The following TEAD1 variants were observed in gnomAD, a reference collection of about 807,000 sequenced individuals.
The protein encoded by TEAD1 is TEA domain transcription factor 1, also known as transcriptional enhancer factor TEF-1.
Under a neutral mutation model 54.9 loss-of-function variants are expected in TEAD1, and 9 were observed. That is an observed-to-expected ratio of 0.16 (90% confidence interval 0.10 to 0.29). TEAD1 has a LOEUF of 0.29. TEAD1 is among the 10% of genes least tolerant of loss of function. The pLI is 1.00. For missense variants in TEAD1, 387 were observed against 535.9 expected, an observed-to-expected ratio of 0.72 and a Z score of 2.74; for synonymous variants, 200 against 187.8, an observed-to-expected ratio of 1.07 and a Z score of -0.53.
chr11:12,934,516 A>G (rs1047708627), intron 12 of TEAD1, among the ~76,000 whole-genome samples: 3 of 152,078 alleles, frequency 2.0e-5, no homozygotes, highest in Admixed American at 1.3e-4. Flanking sequence ...CGTTGTGCAC[A>G]TGTACCCTAA....
chr11:12,768,014 G>A (rs11022496), intron 3 of TEAD1, among the ~76,000 whole-genome samples: 57,158 of 151,986 alleles, frequency 0.38, 10,972 homozygotes, highest in South Asian at 0.6. Flanking sequence ...AAACAAAATA[G>A]ATAGCAAACC....
chr11:12,844,728 GA>G, intron 3 of TEAD1, among the ~76,000 whole-genome samples: 1 of 152,140 alleles, frequency 6.6e-6, no homozygotes, highest in Middle Eastern at 3.4e-3. Context: ...GCTGCTGTTG[GA>G]CAAGACCATA....
chr11:12,845,866 A>C (rs1208381342), intron 3 of TEAD1, among the ~76,000 whole-genome samples: 1 of 152,176 alleles, frequency 6.6e-6, no homozygotes, highest in Non-Finnish European at 1.5e-5. Context: ...TGCCCCGCTC[A>C]TGTTCAGAGT....
intron 9 of TEAD1, among the ~76,000 whole-genome samples, chr11:12,889,834 A>G (rs1948162750): frequency 6.6e-6 from 1 of 152,052 alleles, no homozygotes; most frequent in African/African-American, 2.4e-5. Flanking sequence ...GGATTGTCCC[A>G]TCTCAGCCTA....
chr11:12,820,678 A>G (rs901482725), intron 3 of TEAD1, among the ~76,000 whole-genome samples: 4 of 152,198 alleles, frequency 2.6e-5, no homozygotes, highest in Non-Finnish European at 5.9e-5. Flanking sequence ...GATCATGGCT[A>G]CTGTTTCAGG....
chr11:12,778,405 C>T (rs970533884), intron 3 of TEAD1, among the ~76,000 whole-genome samples: 6 of 152,028 alleles, frequency 3.9e-5, no homozygotes, highest in African/African-American at 1.2e-4. Context: ...TCCTACTGGT[C>T]GTTAAAAAAC....
chr11:12,777,281 T>C (rs1280300358), intron 3 of TEAD1, among the ~76,000 whole-genome samples: 3 of 152,220 alleles, frequency 2.0e-5, no homozygotes, highest in Admixed American at 6.5e-5. Context: ...CCCAAAGTTT[T>C]ACAGCTTCTG....
intron 3 of TEAD1, among the ~76,000 whole-genome samples, chr11:12,812,554 G>A (rs1946324862): frequency 6.6e-6 from 1 of 152,128 alleles, no homozygotes; most frequent in Non-Finnish European, 1.5e-5. Flanking sequence ...TTTTTAAAAA[G>A]TAAATATTTA....
chr11:12,840,542 T>C (rs1947014721), intron 3 of TEAD1, among the ~76,000 whole-genome samples: 1 of 152,180 alleles, frequency 6.6e-6, no homozygotes, highest in South Asian at 2.1e-4. Context: ...CATTTTCACT[T>C]TCACGAAATA....
At chr11:12,714,563 T>C (rs76848255) in intron 2 of TEAD1, among the ~76,000 whole-genome samples, 5,001 of 152,292 alleles carry the variant, frequency 0.033, 253 homozygotes, top group African/African-American at 0.11. Context: ...ACTGAAGATA[T>C]AGTGAAAGAC....
Position 12,939,987 on chromosome 11 carries a change from C to T in TEAD1, c.*2765C>T, listed in dbSNP as rs1394468681. Reference sequence around the variant, plus strand: ...GAAGCCTTCCCAGAGCCCCGTCTTGCTTCTCTTCCAGGTGCTCTATCCCCT... The same window carrying T: ...GAAGCCTTCCCAGAGCCCCGTCTTGTTTCTCTTCCAGGTGCTCTATCCCCT... On this transcript the variant is annotated 3_prime_UTR_variant, in exon 13 of 13. Coordinates refer to ENST00000527636, the MANE Select transcript of TEAD1 (RefSeq NM_021961.6). The T allele has an allele frequency of 6.6e-6, 1 of 152,260 alleles. No homozygotes were observed. The highest frequency in any genetic ancestry group is 1.5e-5 in the Non-Finnish European group (1 of 68,092). The allele number at this position is 152,260 out of a possible 1,614,324, so 9.4% of individuals were successfully genotyped here.
At chr11:12,755,905 G>T (rs1944974711) in intron 2 of TEAD1, among the ~76,000 whole-genome samples, 2 of 152,142 alleles carry the variant, frequency 1.3e-5, no homozygotes, top group South Asian at 4.1e-4. Context: ...AGAAAGGAAG[G>T]GGCAGGATTT....
intron 1 of TEAD1, among the ~76,000 whole-genome samples, chr11:12,675,109 C>G (rs1041136373): frequency 6.8e-6 from 1 of 147,278 alleles, no homozygotes; most frequent in African/African-American, 2.5e-5. Flanking sequence ...CCCGGCCGGC[C>G]GCGCCGCGCC....
intron 3 of TEAD1, among the ~76,000 whole-genome samples, chr11:12,783,127 T>TGTGC (rs1945596378): frequency 6.6e-6 from 1 of 150,578 alleles, no homozygotes; most frequent in Non-Finnish European, 1.5e-5. Context: ...TGTGTGTGTG[T>TGTGC]GTGTGTGCGC....
intron 2 of TEAD1, among the ~76,000 whole-genome samples, chr11:12,735,664 A>T (rs1455546666): frequency 2.0e-5 from 3 of 151,312 alleles, no homozygotes; most frequent in Non-Finnish European, 4.4e-5. Context: ...ACATATGTTA[A>T]CCATGAGGCA....
intron 2 of TEAD1, among the ~76,000 whole-genome samples, chr11:12,752,754 T>G (rs768565848): frequency 3.9e-5 from 6 of 152,200 alleles, no homozygotes; most frequent in Admixed American, 6.5e-5. Flanking sequence ...ATTTTTAATC[T>G]TATTAATTTA....
intron 3 of TEAD1, among the ~76,000 whole-genome samples, chr11:12,795,469 A>G (rs1231189419): frequency 6.6e-6 from 1 of 152,208 alleles, no homozygotes; most frequent in Non-Finnish European, 1.5e-5. Flanking sequence ...TGCAGGTTTA[A>G]AGAGGATCAG....
intron 11 of TEAD1, among the ~76,000 whole-genome samples, chr11:12,925,748 G>A (rs1218638311): frequency 6.6e-6 from 1 of 152,030 alleles, no homozygotes; most frequent in Non-Finnish European, 1.5e-5. Flanking sequence ...TCAGAATGAT[G>A]CCCTCCCTAC....
chr11:12,776,328 G>T (rs901623522), intron 3 of TEAD1, among the ~76,000 whole-genome samples: 1 of 152,156 alleles, frequency 6.6e-6, no homozygotes, highest in South Asian at 2.1e-4. Flanking sequence ...GGCTCACACC[G>T]CAAATAGAAT....
Sources: gnomAD v4.1 joint callset for allele counts (sites outside exome capture counted in the v4.1 genomes callset) on GRCh38, gnomAD v4.1.1 for gene constraint, MANE v1.5 for transcripts, NCBI Gene and HGNC (gene_info 2026-07-23, HGNC 2026-07-21) for gene names.